The following ACACA variants were observed in gnomAD, a reference collection of about 807,000 sequenced individuals.
The protein encoded by ACACA is acetyl-CoA carboxylase alpha.
In ACACA, 103 loss-of-function variants were observed where a neutral mutation model predicts 296.1. The observed-to-expected ratio is 0.35, with a 90% CI of 0.30 to 0.41. The LOEUF (loss-of-function observed/expected upper bound fraction) is 0.41. ACACA is among the 10% of genes least tolerant of loss of function. The probability of loss-of-function intolerance (pLI) is 1.00; values close to 1 mark genes in which losing one functional copy is unlikely to be tolerated. For missense variants in ACACA, 1,554 were observed against 2,989.7 expected, an observed-to-expected ratio of 0.52 and a Z score of 11.20; for synonymous variants, 953 against 1,038.6, an observed-to-expected ratio of 0.92 and a Z score of 1.58.
chr17:37,121,077 T>C (rs753982440), intron 50 of ACACA, among the ~76,000 whole-genome samples: 1 of 152,054 alleles, frequency 6.6e-6, no homozygotes, highest in South Asian at 2.1e-4. Context: ...CCCAGCACCA[T>C]CAGAATGGTC....
intron 9 of ACACA, among the ~76,000 whole-genome samples, chr17:37,271,327 C>T (rs2082060055): frequency 6.6e-6 from 1 of 152,060 alleles, no homozygotes; most frequent in Admixed American, 6.5e-5. Context: ...ACCAGCCTGA[C>T]CAACATGGAG....
chr17:37,212,104 T>C (rs1251963925), intron 29 of ACACA, among the ~76,000 whole-genome samples: 1 of 152,206 alleles, frequency 6.6e-6, no homozygotes, highest in Non-Finnish European at 1.5e-5. Flanking sequence ...TTAGCATGAA[T>C]CTCAGTTCAG....
At chr17:37,191,483 C>A (rs917057630) in intron 37 of ACACA, among the ~76,000 whole-genome samples, 5 of 152,170 alleles carry the variant, frequency 3.3e-5, no homozygotes, top group Non-Finnish European at 7.4e-5. Flanking sequence ...AGCCCTTCCT[C>A]CTTACTTTTA....
At chr17:37,259,027 A>T (rs1163071809) in intron 12 of ACACA, among the ~76,000 whole-genome samples, 1 of 152,252 alleles carries the variant, frequency 6.6e-6, no homozygotes, top group Non-Finnish European at 1.5e-5. Flanking sequence ...AACACTAGTA[A>T]AAAAACAAAA....
chr17:37,321,876 G>A (rs2047374140), intron 3 of ACACA, among the ~76,000 whole-genome samples: 1 of 151,850 alleles, frequency 6.6e-6, no homozygotes, highest in Non-Finnish European at 1.5e-5. Context: ...CCCAGGAGGC[G>A]GAGGTTGCAG....
At chr17:37,327,865 C>T (rs1434135235) in intron 3 of ACACA, among the ~76,000 whole-genome samples, 1 of 152,130 alleles carries the variant, frequency 6.6e-6, no homozygotes, top group African/African-American at 2.4e-5. Context: ...GGTCCTTTGT[C>T]CTTTGTCCGA....
chr17:37,250,554 C>G (rs944486080), intron 16 of ACACA, among the ~76,000 whole-genome samples: 1 of 152,002 alleles, frequency 6.6e-6, no homozygotes, highest in Non-Finnish European at 1.5e-5. Context: ...AGGAGAATCC[C>G]TTGAACCCAG....
chr17:37,187,056 GA>G (rs140288308), intron 39 of ACACA, among the ~76,000 whole-genome samples: 1,740 of 152,234 alleles, frequency 0.011, 38 homozygotes, highest in African/African-American at 0.038. Flanking sequence ...AGCTTTGACT[GA>G]AAATGTCTTT....
intron 52 of ACACA, among the ~76,000 whole-genome samples, chr17:37,103,912 C>T (rs998243078): frequency 1.3e-5 from 2 of 152,118 alleles, no homozygotes; most frequent in African/African-American, 4.8e-5. Context: ...CATGGTGAAG[C>T]GTGCCTGTAG....
At chr17:37,146,835 C>G (rs1295614141) in intron 45 of ACACA, among the ~76,000 whole-genome samples, 5 of 149,448 alleles carry the variant, frequency 3.3e-5, no homozygotes, top group South Asian at 2.2e-4. Flanking sequence ...TCAGTCCCCC[C>G]CAAAACCCCC....
At chr17:37,239,744 A>C (rs567818176) in intron 24 of ACACA, among the ~76,000 whole-genome samples, 6 of 152,270 alleles carry the variant, frequency 3.9e-5, no homozygotes, top group African/African-American at 1.4e-4. Flanking sequence ...GTTATGTATT[A>C]TTTTGTATGT....
chr17:37,271,879 C>T (rs1056366843), intron 9 of ACACA, among the ~76,000 whole-genome samples: 2 of 151,590 alleles, frequency 1.3e-5, no homozygotes, highest in Non-Finnish European at 2.9e-5. Context: ...GGCTGCGGCA[C>T]GAGAATTGCT....
At chr17:37,394,712 T>TA (rs35982452) in intron 1 of ACACA, among the ~76,000 whole-genome samples, 33,579 of 129,684 alleles carry the variant, frequency 0.26, 4,137 homozygotes, top group Middle Eastern at 0.39. Context: ...CTATCTCTAC[T>TA]AAAAAAAAAA....
At chr17:37,307,187 A>C (rs1322385267) in intron 3 of ACACA, among the ~76,000 whole-genome samples, 2 of 152,208 alleles carry the variant, frequency 1.3e-5, no homozygotes, top group East Asian at 1.9e-4. Context: ...AATTTTGACA[A>C]TATTTGCTTA....
chr17:37,366,784 T>TA (rs113396306), intron 1 of ACACA, among the ~76,000 whole-genome samples: 1,939 of 149,746 alleles, frequency 0.013, 12 homozygotes, highest in Middle Eastern at 0.024. Context: ...CACGTCTTTT[T>TA]AAAAAAAAAA....
intron 52 of ACACA, among the ~76,000 whole-genome samples, chr17:37,101,086 G>GAAAAAAA (rs769214258): frequency 1.8e-5 from 1 of 56,366 alleles, no homozygotes. Context: ...GACTGTCTCA[G>GAAAAAAA]AAAAAAAAAA....
intron 1 of ACACA, among the ~76,000 whole-genome samples, chr17:37,357,640 T>C (rs1046117551): frequency 6.6e-6 from 1 of 152,238 alleles, no homozygotes; most frequent in African/African-American, 2.4e-5. Context: ...CCTCCTGTTA[T>C]GCATTCAGTT....
chr17:37,338,216 G>C (rs943033043), intron 2 of ACACA, among the ~76,000 whole-genome samples: 5 of 141,580 alleles, frequency 3.5e-5, no homozygotes, highest in Non-Finnish European at 3.0e-5. Context: ...GACAGAGCGA[G>C]ACTCCGTCTC....
chr17:37,166,996 G>A (rs1327821599), intron 41 of ACACA, among the ~76,000 whole-genome samples: 1 of 151,984 alleles, frequency 6.6e-6, no homozygotes, highest in Non-Finnish European at 1.5e-5. Context: ...CCAGGCTGGA[G>A]TGCAGTAGCG....
Sources: allele counts gnomAD v4.1 joint callset (sites outside exome capture counted in the v4.1 genomes callset), GRCh38; gene constraint gnomAD v4.1.1; transcripts MANE v1.5; gene names NCBI Gene and HGNC (gene_info 2026-07-23, HGNC 2026-07-21).